Variants in PPFIBP1 observed in about 807,000 individuals in gnomAD.
PPFIBP1 encodes the protein PPFIB scaffold protein 1.
A neutral mutation model predicts 137.8 loss-of-function variants in PPFIBP1; 112 were observed. The observed-to-expected ratio is 0.81, with a 90% CI of 0.70 to 0.95. The LOEUF (loss-of-function observed/expected upper bound fraction) is 0.95. Ranked by LOEUF, PPFIBP1 falls within the 40% of genes least tolerant of loss-of-function variation. The probability of loss-of-function intolerance (pLI) is 0.00; values close to 1 mark genes in which losing one functional copy is unlikely to be tolerated. For synonymous variants in PPFIBP1, 378 were observed against 417.3 expected (o/e 0.91, Z 1.15); for missense variants, 1,083 against 1,196.6 (o/e 0.91, Z 1.40).
chr12:27,689,349 G>A (rs895142461), intron 27 of PPFIBP1, 146 bp downstream of exon 27: 2 of 650,760 alleles, frequency 3.1e-6, no homozygotes, highest in African/African-American at 3.8e-5. Context: ...GCGCTTAGTT[G>A]TCTTGGGAGA....
At position 27,671,437 on chromosome 12, in the gene PPFIBP1, A is replaced by G. The variant is rs2140177612; in HGVS notation, c.1153A>G (p.Thr385Ala). ...FNTSVPEEFH[T>A]TILQVSIPSL... Reference sequence around the variant, plus strand: ...TTTTGTAATTACATTACAGTTCCATACTACCATCTTGCAAGTTTCCATCCC... The same window carrying G: ...TTTTGTAATTACATTACAGTTCCATGCTACCATCTTGCAAGTTTCCATCCC... The change falls in exon 14 of 30, where the codon ACT becomes GCT. Residue 385 changes from threonine to alanine, a missense_variant. Thr to Ala is a moderately conservative substitution (Grantham distance 58, BLOSUM62 0). Coordinates refer to ENST00000228425, the MANE Select transcript of PPFIBP1 (RefSeq NM_003622.4). 6.4e-7 allele frequency: 1 copy of G among 1,570,974 alleles called. No homozygotes were observed. The highest frequency in any genetic ancestry group is 8.6e-7 in the Non-Finnish European group (1 of 1,156,228).
At chr12:27,616,915 A>T (rs138858001) in intron 2 of PPFIBP1, among the ~76,000 whole-genome samples, 1 of 152,188 alleles carries the variant, frequency 6.6e-6, no homozygotes. Flanking sequence ...GAAATGTGAC[A>T]GGGAGGGAAC....
intron 2 of PPFIBP1, chr12:27,592,458 C>T (rs1254826707): frequency 1.0e-6 from 1 of 984,614 alleles, no homozygotes; most frequent in Non-Finnish European, 1.5e-6. Flanking sequence ...AAAAATCTGT[C>T]TATATAGGAT....
intron 28 of PPFIBP1, 134 bp downstream of exon 28, chr12:27,692,062 T>A: frequency 1.1e-5 from 8 of 723,924 alleles, no homozygotes; most frequent in Non-Finnish European, 1.8e-5. Context: ...AGTGAACACT[T>A]AGAGATCACT....
chr12:27,687,388 GACTT>G lies in PPFIBP1; in HGVS notation c.2255_2258del (p.Leu752CysfsTer3). 6.2e-7 allele frequency: 1 copy of G among 1,613,076 alleles called. No individual in the cohort carries two copies. Among genetic ancestry groups the G allele is most frequent in the Non-Finnish European group, 8.5e-7 (1 of 1,179,430 alleles). On this transcript the variant is annotated frameshift_variant, in exon 25 of 30. Coordinates refer to ENST00000228425, the MANE Select transcript of PPFIBP1 (RefSeq NM_003622.4). LOFTEE classifies it high-confidence loss of function. ...CTCCTTTTGTTCTTTTTTGCAGGAT[GACTT>G]ACTGTCTCTGAAGGTTGTAAGTGTG... is the stretch of plus-strand genomic sequence containing the variant.
intron 14 of PPFIBP1, 53 bp from the exon 15 acceptor site, chr12:27,672,374 T>C: frequency 7.1e-7 from 1 of 1,404,394 alleles, no homozygotes; most frequent in Non-Finnish European, 1.0e-6. Flanking sequence ...TTAGAACATA[T>C]ATGGTCTTTT....
chr12:27,567,028 A>G (rs1683648645), intron 1 of PPFIBP1, among the ~76,000 whole-genome samples: 1 of 152,250 alleles, frequency 6.6e-6, no homozygotes, highest in South Asian at 2.1e-4. Flanking sequence ...CAGTGTTAGC[A>G]GAAGAGGAAA....
intron 11 of PPFIBP1, among the ~76,000 whole-genome samples, chr12:27,663,357 G>A (rs1212158932): frequency 6.6e-6 from 1 of 152,218 alleles, no homozygotes; most frequent in Non-Finnish European, 1.5e-5. Context: ...GAAAAGCAAA[G>A]AGGGTCATGG....
At chr12:27,551,774 A>G (rs951259150) in intron 1 of PPFIBP1, among the ~76,000 whole-genome samples, 1 of 152,228 alleles carries the variant, frequency 6.6e-6, no homozygotes, top group Admixed American at 6.5e-5. Flanking sequence ...TTGAGTTAAC[A>G]TATTGCTAAA....
Position 27,693,488 on chromosome 12 carries a change from TTCATATACCAGCTGG to T in PPFIBP1, c.*608_*622del, listed in dbSNP as rs1304565565. 11 of 152,222 alleles carry T rather than the reference TTCATATACCAGCTGG, an allele frequency of 7.2e-5. No homozygotes were observed. The highest frequency in any genetic ancestry group is 1.5e-4 in the Non-Finnish European group (10 of 68,062). The allele number at this position is 152,222 out of a possible 1,614,324, so 9.4% of individuals were successfully genotyped here. A position where few individuals can be genotyped will look rare whatever the true frequency, so the allele number is the denominator to read the frequency against. On this transcript the variant is annotated 3_prime_UTR_variant, in exon 30 of 30. Coordinates refer to ENST00000228425, the MANE Select transcript of PPFIBP1 (RefSeq NM_003622.4). Reference sequence around the variant, plus strand: ...TCAAAACAATCTGGTGATCAGAATGTTCATATACCAGCTGGTTTCTGAAGAGGTCAGAATGATCTT... The same window carrying T: ...TCAAAACAATCTGGTGATCAGAATGTTTTCTGAAGAGGTCAGAATGATCTT...
chr12:27,687,641 C>A, intron 25 of PPFIBP1, 134 bp downstream of exon 25: 2 of 1,064,610 alleles, frequency 1.9e-6, no homozygotes, highest in Non-Finnish European at 2.6e-6. Context: ...ACTTCTTAGG[C>A]TTTTTCTGTA....
At chr12:27,677,918 G>A (rs577763817) in intron 19 of PPFIBP1, 3 of 152,298 alleles carry the variant, frequency 2.0e-5, no homozygotes, top group African/African-American at 7.2e-5. Context: ...CAGCAAACGG[G>A]ACTTCTCTCT....
In PPFIBP1 at chr12:27,687,398, C is replaced by G. The variant is rs1318128359; in HGVS notation, c.2261C>G (p.Ser754Cys). The G allele has an allele frequency of 1.9e-6, 3 of 1,613,806 alleles. No individual in the cohort carries two copies. The highest frequency in any genetic ancestry group is 1.1e-5 in the South Asian group (1 of 91,050). Residue 754 changes from serine to cysteine, a missense_variant, in exon 25 of 30, where the codon TCT becomes TGT. By Grantham distance (112) the Ser-to-Cys change is moderately radical (BLOSUM62 -1). Transcript: ENST00000228425. ...TCTTTTTTGCAGGATGACTTACTGT[C>G]TCTGAAGGTTGTAAGTGTGCTACAC... ...LHYMTVDDLL[S>C]LKVVSVLHHL...
chr12:27,676,786 C>G (rs947254677), intron 18 of PPFIBP1, 187 bp downstream of exon 18: 1 of 694,986 alleles, frequency 1.4e-6, no homozygotes, highest in Non-Finnish European at 2.5e-6. Context: ...GATATATAGA[C>G]TCTCACCCTG....
chr12:27,688,059 C>T (rs1217157093), intron 25 of PPFIBP1: 3 of 398,092 alleles, frequency 7.5e-6, no homozygotes, highest in African/African-American at 6.2e-5. Flanking sequence ...GCAACGCCAG[C>T]GTGGGTAAGA....
At chr12:27,531,151 A>G (rs991518510) in intron 1 of PPFIBP1, among the ~76,000 whole-genome samples, 3 of 152,174 alleles carry the variant, frequency 2.0e-5, no homozygotes, top group African/African-American at 7.2e-5. Flanking sequence ...CAGATCCTCA[A>G]CTTGAATCCT....
At chr12:27,558,029 A>G (rs553860047) in intron 1 of PPFIBP1, among the ~76,000 whole-genome samples, 147 of 152,338 alleles carry the variant, frequency 9.6e-4, no homozygotes, top group Non-Finnish European at 8.4e-4. Context: ...CTTTTCTTCA[A>G]CATAGCCTTA....
intron 1 of PPFIBP1, among the ~76,000 whole-genome samples, chr12:27,562,310 G>A (rs973901021): frequency 3.3e-5 from 5 of 152,146 alleles, no homozygotes; most frequent in African/African-American, 1.2e-4. Flanking sequence ...AATCTACACA[G>A]ACATGCCTGT....
chr12:27,575,453 G>A (rs987720152), intron 1 of PPFIBP1, among the ~76,000 whole-genome samples: 7 of 152,140 alleles, frequency 4.6e-5, no homozygotes, highest in Non-Finnish European at 1.0e-4. Context: ...TCATACTTTA[G>A]GATAGCAAAG....
Sources: allele counts gnomAD v4.1 joint callset (sites outside exome capture counted in the v4.1 genomes callset), GRCh38; gene constraint gnomAD v4.1.1; transcripts MANE v1.5; gene names NCBI Gene and HGNC (gene_info 2026-07-23, HGNC 2026-07-21).